The following CLSTN2 variants were observed in gnomAD, a reference collection of about 807,000 sequenced individuals.
CLSTN2 encodes calsyntenin-2.
In CLSTN2, 48 loss-of-function variants were observed where a neutral mutation model predicts 101.2. The ratio of observed to expected loss-of-function variants is 0.47; its 90% CI spans 0.38 to 0.60. The LOEUF is 0.60. CLSTN2 is among the 20% of genes least tolerant of loss of function. The pLI is 0.00. For missense variants in CLSTN2, 1,160 were observed against 1,238.2 expected (o/e 0.94, Z 0.95); for synonymous variants, 481 against 463.6 (o/e 1.04, Z -0.48).
rs955423104 is a variant in CLSTN2, at chr3:140,566,724, G to A, written c.*471G>A. On this transcript the variant is annotated 3_prime_UTR_variant, in exon 17 of 17. Coordinates refer to ENST00000458420, the MANE Select transcript of CLSTN2 (RefSeq NM_022131.3). ...AGGAGGGTGGTTGAACTTCACACAC[G>A]TAAGGTCTTAGTGCTTAACAGTTTA... The A allele has an allele frequency of 5.8e-5, 11 of 188,414 alleles. No homozygotes were observed. The highest frequency in any genetic ancestry group is 1.2e-4 in the South Asian group (1 of 8,246). 11.7% of individuals were successfully genotyped at this position (188,414 alleles called of 1,614,324 possible).
At chr3:140,028,337 T>C (rs921549590) in intron 1 of CLSTN2, among the ~76,000 whole-genome samples, 2 of 152,202 alleles carry the variant, frequency 1.3e-5, no homozygotes, top group African/African-American at 2.4e-5. Flanking sequence ...ACTTCTCTTA[T>C]CATTGTGCTG....
At position 140,566,639 on chromosome 3, in the gene CLSTN2, T is replaced by G; in HGVS notation, c.*386T>G. On this transcript the variant is annotated 3_prime_UTR_variant, in exon 17 of 17. Transcript: ENST00000458420. Reference sequence around the variant, plus strand: ...AAGGCCCTGGGGTTCCAACTCACTGTGCGTCTCCTCCACACAGACCAGTAG... The same window carrying G: ...AAGGCCCTGGGGTTCCAACTCACTGGGCGTCTCCTCCACACAGACCAGTAG... 1 of 275,994 alleles carries G rather than the reference T, an allele frequency of 3.6e-6. No homozygotes were observed. Among genetic ancestry groups the G allele is most frequent in the Non-Finnish European group, 7.1e-6 (1 of 140,194 alleles). The allele number at this position is 275,994 out of a possible 1,614,324, so 17.1% of individuals were successfully genotyped here.
Position 140,570,479 on chromosome 3 carries a change from C to T in CLSTN2, c.*4226C>T, listed in dbSNP as rs2107798390. On this transcript the variant is annotated 3_prime_UTR_variant, in exon 17 of 17. Transcript: ENST00000458420. ...ATGCATTTTATATAAAGGAATTGAACATCTGTGGATTTTGGTGTCCGAGGG... is the reference window on the plus strand; with the variant it reads ...ATGCATTTTATATAAAGGAATTGAATATCTGTGGATTTTGGTGTCCGAGGG... The T allele has an allele frequency of 6.6e-6, 1 of 152,248 alleles. No homozygotes were observed. The highest frequency in any genetic ancestry group is 1.5e-5 in the Non-Finnish European group (1 of 68,022). 9.4% of individuals were successfully genotyped at this position (152,248 alleles called of 1,614,324 possible).
intron 1 of CLSTN2, among the ~76,000 whole-genome samples, chr3:140,171,664 T>TATA (rs1322998402): frequency 1.8e-4 from 1 of 5,516 alleles, no homozygotes; most frequent in African/African-American, 4.0e-4. Context: ...TTATATATTA[T>TATA]ATATAATATG....
intron 1 of CLSTN2, among the ~76,000 whole-genome samples, chr3:140,018,653 A>T (rs1230567050): frequency 6.6e-6 from 1 of 152,214 alleles, no homozygotes; most frequent in Non-Finnish European, 1.5e-5. Flanking sequence ...TGCTTACTGC[A>T]GTGTGACCTC....
intron 4 of CLSTN2, among the ~76,000 whole-genome samples, chr3:140,419,033 T>TA (rs138286232): frequency 5.5e-4 from 75 of 135,306 alleles, no homozygotes; most frequent in Non-Finnish European, 7.4e-4. Flanking sequence ...GGACCTTTTT[T>TA]TAAAAAAAAA....
chr3:140,043,505 C>T (rs1400492996), intron 1 of CLSTN2, among the ~76,000 whole-genome samples: 1 of 152,194 alleles, frequency 6.6e-6, no homozygotes. Context: ...GTTTCTTTTG[C>T]TAGGCAGAAG....
chr3:140,559,567 C>T (rs1196177431), intron 12 of CLSTN2, among the ~76,000 whole-genome samples: 2 of 72,072 alleles, frequency 2.8e-5, no homozygotes, highest in Non-Finnish European at 5.8e-5. Flanking sequence ...GTCAGGGGGG[C>T]GGGGAAGGGA....
Position 140,305,250 on chromosome 3 carries a change from ATATATAT to A in CLSTN2, c.233-98372_233-98366del, listed in dbSNP as rs200923471. Among the ~76,000 whole-genome samples the A allele has an allele frequency of 7.9e-3, 1,204 of 152,080 alleles. 16 individuals carry two copies. Among genetic ancestry groups the A allele is most frequent in the African/African-American group, 0.027 (1,140 of 41,484 alleles). ...CCATTTGTATATTATTATTTATCTA[ATATATAT>A]TATATAATAGCCTGTTCATGCTCAT... On this transcript the variant is annotated intron_variant, in intron 2 of 16. Coordinates refer to ENST00000458420, the MANE Select transcript of CLSTN2 (RefSeq NM_022131.3).
intron 2 of CLSTN2, among the ~76,000 whole-genome samples, chr3:140,267,115 C>G (rs1294955134): frequency 6.6e-6 from 1 of 152,114 alleles, no homozygotes; most frequent in African/African-American, 2.4e-5. Flanking sequence ...AAGAATGGAC[C>G]ATGTTCCTCC....
chr3:140,336,685 C>A (rs1474269536), intron 2 of CLSTN2, among the ~76,000 whole-genome samples: 1 of 152,196 alleles, frequency 6.6e-6, no homozygotes, highest in Non-Finnish European at 1.5e-5. Flanking sequence ...CATAGACTTG[C>A]CAAGACTTTG....
intron 1 of CLSTN2, among the ~76,000 whole-genome samples, chr3:140,095,150 C>G (rs908889963): frequency 1.3e-5 from 2 of 152,178 alleles, no homozygotes; most frequent in Admixed American, 6.5e-5. Context: ...TTCTGTCTCT[C>G]CCTCAACACC....
intron 1 of CLSTN2, among the ~76,000 whole-genome samples, chr3:140,037,508 G>T (rs993278266): frequency 6.6e-6 from 1 of 150,746 alleles, no homozygotes; most frequent in Non-Finnish European, 1.5e-5. Context: ...GTAGTTTTTT[G>T]TTTGTTTCTT....
intron 2 of CLSTN2, among the ~76,000 whole-genome samples, chr3:140,214,376 C>G (rs1455065317): frequency 6.6e-6 from 1 of 151,936 alleles, no homozygotes. Flanking sequence ...ATCGCTTAAA[C>G]CTGAGAAGTG....
Position 140,257,935 on chromosome 3 carries a change from C to A in CLSTN2, c.232+81862C>A, listed in dbSNP as rs374512480. Among the ~76,000 whole-genome samples the A allele has an allele frequency of 2.2e-4, 34 of 152,176 alleles. 2 individuals carry two copies. In the South Asian group the frequency reaches 6.9e-3, roughly 31 times the overall value. The stretch of plus-strand genomic sequence containing the variant: ...ATAGTTAAGGCTCTTCACATATATT[C>A]TTTTCAGAGTTGTCATTTTGCATTT... On this transcript the variant is annotated intron_variant, in intron 2 of 16. Transcript: ENST00000458420.
At chr3:140,438,431 T>A (rs952828585) in intron 5 of CLSTN2, among the ~76,000 whole-genome samples, 25 of 45,672 alleles carry the variant, frequency 5.5e-4, no homozygotes, top group Admixed American at 8.7e-4. Flanking sequence ...GTCCTTTCAT[T>A]AAAAAAAAAA....
At chr3:140,389,369 ATAAG>A (rs2088087682) in intron 2 of CLSTN2, among the ~76,000 whole-genome samples, 1 of 152,286 alleles carries the variant, frequency 6.6e-6, no homozygotes, top group Non-Finnish European at 1.5e-5. Flanking sequence ...GCTCCCACTT[ATAAG>A]TGAGAACATA....
At chr3:140,022,240 G>A (rs547792606) in intron 1 of CLSTN2, among the ~76,000 whole-genome samples, 15 of 152,344 alleles carry the variant, frequency 9.8e-5, no homozygotes, top group Non-Finnish European at 1.9e-4. Context: ...TCTAGCTGGA[G>A]CCTGGCAGCT....
chr3:140,562,519 G>A (rs895141299), intron 13 of CLSTN2, among the ~76,000 whole-genome samples: 1 of 152,146 alleles, frequency 6.6e-6, no homozygotes, highest in Non-Finnish European at 1.5e-5. Flanking sequence ...CCACTCCTGG[G>A]GAGTTCTTTT....
Sources: allele counts gnomAD v4.1 joint callset (sites outside exome capture counted in the v4.1 genomes callset), GRCh38; gene constraint gnomAD v4.1.1; transcripts MANE v1.5; gene names NCBI Gene and HGNC (gene_info 2026-07-23, HGNC 2026-07-21).